The following GALNT17 variants were observed in gnomAD, a reference collection of about 807,000 sequenced individuals.
GALNT17 encodes polypeptide N-acetylgalactosaminyltransferase 17.
In GALNT17, 29 loss-of-function variants were observed where a neutral mutation model predicts 63.7. That is an observed-to-expected ratio of 0.46 (90% CI 0.34 to 0.62). GALNT17 has a LOEUF of 0.62. GALNT17 is among the 20% of genes least tolerant of loss of function. GALNT17 has a pLI of 0.01. For missense variants in GALNT17, 603 were observed against 799.6 expected, an observed-to-expected ratio of 0.75 and a Z score of 2.97; for synonymous variants, 305 against 318.3, an observed-to-expected ratio of 0.96 and a Z score of 0.45.
intron 3 of GALNT17, among the ~76,000 whole-genome samples, chr7:71,409,948 G>A (rs1195601254): frequency 6.6e-6 from 1 of 152,198 alleles, no homozygotes; most frequent in East Asian, 1.9e-4. Context: ...TGTGGAAACT[G>A]CGTTCTTTGG....
chr7:71,263,775 G>C (rs1056824161), intron 1 of GALNT17, among the ~76,000 whole-genome samples: 1 of 151,636 alleles, frequency 6.6e-6, no homozygotes, highest in Non-Finnish European at 1.5e-5. Flanking sequence ...AATACAAAAA[G>C]TTAGCCGGCG....
At chr7:71,557,756 A>C (rs1452395014) in intron 5 of GALNT17, among the ~76,000 whole-genome samples, 1 of 151,818 alleles carries the variant, frequency 6.6e-6, no homozygotes, top group African/African-American at 2.4e-5. Context: ...GCGCCACTGC[A>C]CTCCAGCCTG....
chr7:71,311,749 A>T (rs1791417662), intron 1 of GALNT17, among the ~76,000 whole-genome samples: 1 of 152,286 alleles, frequency 6.6e-6, no homozygotes, highest in East Asian at 1.9e-4. Flanking sequence ...AGGGATGTGG[A>T]TGGGTACACC....
At chr7:71,436,835 G>A (rs998272804) in intron 5 of GALNT17, among the ~76,000 whole-genome samples, 3 of 152,190 alleles carry the variant, frequency 2.0e-5, no homozygotes, top group Non-Finnish European at 2.9e-5. Context: ...GAGTTTGACT[G>A]TCTGTAAGAT....
intron 1 of GALNT17, among the ~76,000 whole-genome samples, chr7:71,191,128 A>G (rs1376550297): frequency 6.6e-6 from 1 of 152,232 alleles, no homozygotes; most frequent in African/African-American, 2.4e-5. Context: ...TTTGAGAAAC[A>G]CATACATTTA....
At chr7:71,455,788 C>T (rs924170194) in intron 5 of GALNT17, among the ~76,000 whole-genome samples, 1 of 152,154 alleles carries the variant, frequency 6.6e-6, no homozygotes, top group Admixed American at 6.5e-5. Flanking sequence ...AGAGATTTTC[C>T]TGTTTGAGTA....
intron 1 of GALNT17, among the ~76,000 whole-genome samples, chr7:71,305,316 A>C (rs1197582306): frequency 6.6e-6 from 1 of 152,174 alleles, no homozygotes; most frequent in East Asian, 1.9e-4. Context: ...AAACTTCTTC[A>C]GTTAGCAGAT....
At chr7:71,540,499 G>A (rs968883342) in intron 5 of GALNT17, among the ~76,000 whole-genome samples, 9 of 152,012 alleles carry the variant, frequency 5.9e-5, no homozygotes, top group African/African-American at 2.2e-4. Flanking sequence ...GTGTGTCCCC[G>A]TGGTGTGTAG....
At chr7:71,485,294 G>C (rs1787892199) in intron 5 of GALNT17, among the ~76,000 whole-genome samples, 1 of 151,458 alleles carries the variant, frequency 6.6e-6, no homozygotes, top group Non-Finnish European at 1.5e-5. Context: ...ATGGGGTTTT[G>C]CTGTGTTGCC....
In GALNT17 at chr7:71,281,142, C is replaced by T. The variant is rs1327850625; in HGVS notation, c.239-54408C>T. Among the ~76,000 whole-genome samples, 7 of 152,124 alleles carry T rather than the reference C, an allele frequency of 4.6e-5. No individual in the cohort carries two copies. In the South Asian group the frequency reaches 8.3e-4, roughly 18 times the overall value. On this transcript the variant is annotated intron_variant, in intron 1 of 10. Coordinates refer to ENST00000333538, the MANE Select transcript of GALNT17 (RefSeq NM_022479.3). ...TGTCAGAGGTAGAAGAAACCAAAAG[C>T]GGGCCCAGTTGAAATAAACACAGTG...
At chr7:71,334,275 C>A (rs945244729) in intron 1 of GALNT17, among the ~76,000 whole-genome samples, 106 of 152,132 alleles carry the variant, frequency 7.0e-4, no homozygotes, top group Non-Finnish European at 8.8e-5. Context: ...GTCTCACTAC[C>A]GGAGCAGGTT....
At chr7:71,521,937 A>C (rs1788537668) in intron 5 of GALNT17, among the ~76,000 whole-genome samples, 1 of 152,208 alleles carries the variant, frequency 6.6e-6, no homozygotes, top group Non-Finnish European at 1.5e-5. Context: ...AGAACGTTAG[A>C]TCATAAGGGC....
At chr7:71,248,482 A>G (rs1209002903) in intron 1 of GALNT17, among the ~76,000 whole-genome samples, 1 of 152,238 alleles carries the variant, frequency 6.6e-6, no homozygotes, top group Non-Finnish European at 1.5e-5. Context: ...TGCGACTTAT[A>G]TATAAAATAA....
At chr7:71,646,167 G>A (rs1421949982) in intron 6 of GALNT17, among the ~76,000 whole-genome samples, 3 of 152,152 alleles carry the variant, frequency 2.0e-5, no homozygotes, top group African/African-American at 4.8e-5. Context: ...CCTTACTGAC[G>A]TTTTAACACC....
At chr7:71,501,656 G>A (rs566734722) in intron 5 of GALNT17, among the ~76,000 whole-genome samples, 6 of 152,226 alleles carry the variant, frequency 3.9e-5, no homozygotes, top group African/African-American at 1.4e-4. Context: ...AGTGTTGATA[G>A]GGACTCTTAG....
At chr7:71,235,895 C>T (rs1035340350) in intron 1 of GALNT17, among the ~76,000 whole-genome samples, 2 of 152,182 alleles carry the variant, frequency 1.3e-5, no homozygotes, top group African/African-American at 4.8e-5. Flanking sequence ...AAAGTCTGCT[C>T]TTGGTCAGGC....
intron 5 of GALNT17, among the ~76,000 whole-genome samples, chr7:71,460,298 G>A (rs373022494): frequency 6.6e-6 from 1 of 152,194 alleles, no homozygotes; most frequent in Non-Finnish European, 1.5e-5. Context: ...GGAGGGAAAA[G>A]TAAGCTACCA....
intron 5 of GALNT17, among the ~76,000 whole-genome samples, chr7:71,447,217 C>T (rs935472374): frequency 6.6e-6 from 1 of 152,170 alleles, no homozygotes; most frequent in African/African-American, 2.4e-5. Context: ...ATCAGGTCTC[C>T]AGGCTATCCA....
chr7:71,392,764 T>G (rs571137605), intron 3 of GALNT17, among the ~76,000 whole-genome samples: 1 of 152,152 alleles, frequency 6.6e-6, no homozygotes, highest in East Asian at 1.9e-4. Context: ...GGACCGGGAG[T>G]TGACGATATT....
Sources: allele counts gnomAD v4.1 joint callset (sites outside exome capture counted in the v4.1 genomes callset), GRCh38; gene constraint gnomAD v4.1.1; transcripts MANE v1.5; gene names NCBI Gene and HGNC (gene_info 2026-07-23, HGNC 2026-07-21).